Variants in TRAF3IP1 observed in about 807,000 individuals in gnomAD.
TRAF3IP1 encodes the protein TRAF3-interacting protein 1.
In TRAF3IP1, 53 loss-of-function variants were observed where a neutral mutation model predicts 89.9. The observed-to-expected ratio is 0.59, with a 90% confidence interval of 0.47 to 0.74. The LOEUF (loss-of-function observed/expected upper bound fraction) is 0.74. Ranked by LOEUF, TRAF3IP1 falls within the 30% of genes least tolerant of loss-of-function variation. The probability of loss-of-function intolerance (pLI) is 0.00; values close to 1 mark genes in which losing one functional copy is unlikely to be tolerated. For missense variants in TRAF3IP1, 806 were observed against 866.1 expected, an observed-to-expected ratio of 0.93 and a Z score of 0.87; for synonymous variants, 311 against 322.1, an observed-to-expected ratio of 0.97 and a Z score of 0.37.
chr2:238,342,676 A>G (rs1698716155), intron 8 of TRAF3IP1, among the ~76,000 whole-genome samples: 2 of 152,128 alleles, frequency 1.3e-5, no homozygotes, highest in Non-Finnish European at 2.9e-5. Context: ...CGCCAAACTT[A>G]TGTTTATTTT....
At position 238,355,986 on chromosome 2, in the gene TRAF3IP1, T is replaced by A; in HGVS notation, c.1613-18T>A. The A allele has an allele frequency of 6.2e-7, 1 of 1,601,776 alleles. No homozygotes were observed. The highest frequency in any genetic ancestry group is 8.5e-7 in the Non-Finnish European group (1 of 1,169,614). On this transcript the variant is annotated intron_variant, in intron 14 of 16. Coordinates refer to ENST00000373327, the MANE Select transcript of TRAF3IP1 (RefSeq NM_015650.4). ...TAGAGAATAAACTTTTAACATAAAATCACTGATTTTTCAACAGGTGGACTT... is the reference window on the plus strand; with the variant it reads ...TAGAGAATAAACTTTTAACATAAAAACACTGATTTTTCAACAGGTGGACTT...
chr2:238,351,440 C>G lies in TRAF3IP1; in HGVS notation c.1452-1387C>G, dbSNP rs67796878. On this transcript the variant is annotated intron_variant, in intron 12 of 16. Coordinates refer to ENST00000373327, the MANE Select transcript of TRAF3IP1 (RefSeq NM_015650.4). The surrounding 1 kb of genome is among the most constrained non-coding windows in gnomAD (Gnocchi z 5.2). ...AAATTACTGACCTTCCCTCTGGGCCCGTGACAAGAGGCCGGTGGGAGGAGC... is the reference window on the plus strand; with the variant it reads ...AAATTACTGACCTTCCCTCTGGGCCGGTGACAAGAGGCCGGTGGGAGGAGC... Among the ~76,000 whole-genome samples the G allele has an allele frequency of 1.4e-4, 22 of 151,964 alleles. No individual in the cohort carries two copies. Among genetic ancestry groups the G allele is most frequent in the African/African-American group, 5.3e-4 (22 of 41,400 alleles).
intron 15 of TRAF3IP1, among the ~76,000 whole-genome samples, chr2:238,361,728 A>C (rs567479462): frequency 1.3e-5 from 2 of 152,114 alleles, no homozygotes; most frequent in African/African-American, 4.8e-5. Flanking sequence ...GGTTGTCTTG[A>C]TTGTGAGTAA....
At chr2:238,342,218 A>T (rs539981877) in intron 8 of TRAF3IP1, among the ~76,000 whole-genome samples, 9 of 152,216 alleles carry the variant, frequency 5.9e-5, no homozygotes, top group African/African-American at 1.9e-4. Flanking sequence ...CAAACTCCTG[A>T]GCTCAGGTGA....
At chr2:238,339,219 C>T (rs1056279600) in intron 8 of TRAF3IP1, among the ~76,000 whole-genome samples, 1 of 152,154 alleles carries the variant, frequency 6.6e-6, no homozygotes, top group Non-Finnish European at 1.5e-5. Flanking sequence ...GCACTTGGTA[C>T]AGCAGCCGCA....
chr2:238,373,847 G>T (rs186191631), intron 15 of TRAF3IP1, among the ~76,000 whole-genome samples: 1 of 151,966 alleles, frequency 6.6e-6, no homozygotes, highest in Non-Finnish European at 1.5e-5. Flanking sequence ...GAGGTCCTTC[G>T]CATCCTTTGT....
At chr2:238,323,776 T>C (rs945579611) in intron 1 of TRAF3IP1, among the ~76,000 whole-genome samples, 2 of 152,212 alleles carry the variant, frequency 1.3e-5, no homozygotes, top group African/African-American at 2.4e-5. Context: ...ACAAATTGTA[T>C]TGATTTTACA....
intron 15 of TRAF3IP1, among the ~76,000 whole-genome samples, chr2:238,394,725 G>C (rs1701136816): frequency 6.6e-6 from 1 of 152,132 alleles, no homozygotes; most frequent in African/African-American, 2.4e-5. Context: ...CTATGTGCCA[G>C]GCATTATGCT....
intron 15 of TRAF3IP1, among the ~76,000 whole-genome samples, chr2:238,361,010 A>G (rs771680285): frequency 3.3e-5 from 5 of 151,928 alleles, no homozygotes; most frequent in African/African-American, 4.8e-5. Flanking sequence ...TATTTTTCCA[A>G]TCTATCGCTT....
chr2:238,360,804 T>G (rs1479021718), intron 15 of TRAF3IP1, among the ~76,000 whole-genome samples: 1 of 151,964 alleles, frequency 6.6e-6, no homozygotes, highest in Non-Finnish European at 1.5e-5. Flanking sequence ...CGCTTGAACC[T>G]GGGAGGCGGA....
intron 15 of TRAF3IP1, among the ~76,000 whole-genome samples, chr2:238,385,773 T>C (rs908947918): frequency 3.3e-5 from 5 of 152,110 alleles, no homozygotes; most frequent in African/African-American, 1.2e-4. Context: ...GGGCATCTCC[T>C]ACATGGGAGT....
chr2:238,326,072 C>CA, intron 3 of TRAF3IP1, 102 bp downstream of exon 3: 1 of 1,155,988 alleles, frequency 8.7e-7, no homozygotes, highest in Non-Finnish European at 1.2e-6. Flanking sequence ...GAAGGAGTTT[C>CA]AGTGGTGTCT....
At chr2:238,344,841 T>A in intron 9 of TRAF3IP1, 1 of 625,972 alleles carries the variant, frequency 1.6e-6, no homozygotes, top group Non-Finnish European at 3.0e-6. Context: ...AGGTGGCATG[T>A]TTCATCACTT....
At chr2:238,390,984 T>C (rs1337530589) in intron 15 of TRAF3IP1, among the ~76,000 whole-genome samples, 1 of 152,208 alleles carries the variant, frequency 6.6e-6, no homozygotes, top group Non-Finnish European at 1.5e-5. Flanking sequence ...AAAAAGGGTT[T>C]CGCTCTGTTG....
At chr2:238,332,920 A>G in intron 6 of TRAF3IP1, 25 bp downstream of exon 6, 1 of 1,550,892 alleles carries the variant, frequency 6.4e-7, no homozygotes, top group Non-Finnish European at 8.9e-7. Flanking sequence ...ATAACTTTTA[A>G]GAGATGTCAA....
At chr2:238,375,319 G>A (rs1450223190) in intron 15 of TRAF3IP1, among the ~76,000 whole-genome samples, 2 of 152,162 alleles carry the variant, frequency 1.3e-5, no homozygotes, top group African/African-American at 2.4e-5. Flanking sequence ...CAGAGATTCC[G>A]GTATGTTGTG....
intron 10 of TRAF3IP1, 144 bp downstream of exon 10, chr2:238,347,619 T>A (rs899616135): frequency 2.7e-5 from 20 of 740,914 alleles, no homozygotes; most frequent in Non-Finnish European, 4.4e-5. Context: ...ACTACCCTAA[T>A]GTATTTATTT....
intron 8 of TRAF3IP1, among the ~76,000 whole-genome samples, chr2:238,339,248 G>A (rs1698524416): frequency 6.6e-6 from 1 of 152,164 alleles, no homozygotes; most frequent in Non-Finnish European, 1.5e-5. Flanking sequence ...GATGATCTGT[G>A]GTTATTTTAT....
intron 15 of TRAF3IP1, among the ~76,000 whole-genome samples, chr2:238,367,327 A>C (rs183670035): frequency 1.2e-3 from 176 of 152,232 alleles, no homozygotes; most frequent in African/African-American, 4.0e-3. Context: ...ATGTGGCACA[A>C]GTTTCAGAAG....
Sources: allele counts gnomAD v4.1 joint callset (sites outside exome capture counted in the v4.1 genomes callset), GRCh38; gene constraint gnomAD v4.1.1; non-coding constraint Gnocchi (gnomAD v3.1); transcripts MANE v1.5; gene names NCBI Gene and HGNC (gene_info 2026-07-23, HGNC 2026-07-21).